CAPS2: variants seen among roughly 807,000 people sequenced by gnomAD.
The protein encoded by CAPS2 is calcyphosine 2.
A neutral mutation model predicts 86.5 loss-of-function variants in CAPS2; 98 were observed. That is an observed-to-expected ratio of 1.13 (90% CI 0.96 to 1.34). The LOEUF (loss-of-function observed/expected upper bound fraction) is 1.34. CAPS2 is among the 40% of genes most tolerant of loss of function. The pLI is 0.00. For missense variants in CAPS2, 729 were observed against 686.8 expected (o/e 1.06, Z -0.69); for synonymous variants, 210 against 225.1 (o/e 0.93, Z 0.60).
chr12:75,284,586 T>C (rs2034540376), intron 15 of CAPS2, among the ~76,000 whole-genome samples: 1 of 152,142 alleles, frequency 6.6e-6, no homozygotes, highest in Non-Finnish European at 1.5e-5. Flanking sequence ...GAATGGTATA[T>C]GCATTATCTT....
rs371293948 is a variant in CAPS2, at chr12:75,285,051, A to G, written c.1425T>C (p.Asn475=). Reference sequence around the variant, plus strand: ...AATCAACCTTGCCATTGCCATTGTCATTCAGAATTAGCCATGCAGACTCAA... The same window carrying G: ...AATCAACCTTGCCATTGCCATTGTCGTTCAGAATTAGCCATGCAGACTCAA... Residue 475 remains asparagine, a synonymous_variant, in exon 15 of 17, where the codon AAT becomes AAC. Coordinates refer to ENST00000393284, the Ensembl canonical transcript of CAPS2. 6 of 1,611,510 alleles carry G rather than the reference A, an allele frequency of 3.7e-6. No individual in the cohort carries two copies. The African/African-American group carries it at 6.7e-5, about 18-fold the overall frequency.
intron 7 of CAPS2, chr12:75,305,616 G>T (rs1310566470): frequency 8.1e-6 from 5 of 616,404 alleles, no homozygotes; most frequent in African/African-American, 3.6e-5. Context: ...CCGAGCGACC[G>T]GAAGGCTCAG....
chr12:75,317,912 A>T (rs2039933133), intron 5 of CAPS2, among the ~76,000 whole-genome samples: 1 of 152,094 alleles, frequency 6.6e-6, no homozygotes. Flanking sequence ...ATTAACTATA[A>T]TCACCACAAA....
chr12:75,366,530 GC>G (rs2043972822), intron 1 of CAPS2, among the ~76,000 whole-genome samples: 2 of 152,102 alleles, frequency 1.3e-5, no homozygotes, highest in African/African-American at 4.8e-5. Flanking sequence ...AACCTGGCAT[GC>G]CCTCAAACTT....
chr12:75,351,376 C>T (rs1193914344), intron 1 of CAPS2, among the ~76,000 whole-genome samples: 1 of 152,156 alleles, frequency 6.6e-6, no homozygotes, highest in Non-Finnish European at 1.5e-5. Flanking sequence ...CCCCAAGACA[C>T]ATAATCATCA....
chr12:75,337,175 CT>C (rs2041792716), intron 1 of CAPS2, among the ~76,000 whole-genome samples: 2 of 151,696 alleles, frequency 1.3e-5, no homozygotes, highest in East Asian at 3.9e-4. Flanking sequence ...AAATCAAGAC[CT>C]ATTCTTTCAA....
intron 6 of CAPS2, among the ~76,000 whole-genome samples, chr12:75,314,948 G>T (rs150930987): frequency 4.6e-5 from 7 of 152,266 alleles, no homozygotes; most frequent in African/African-American, 1.7e-4. Flanking sequence ...GGAGCTAGAT[G>T]AGATGGACAC....
chr12:75,311,352 A>G (rs2039144518), intron 7 of CAPS2, among the ~76,000 whole-genome samples: 2 of 152,176 alleles, frequency 1.3e-5, no homozygotes, highest in Admixed American at 6.5e-5. Context: ...TTTGAGAGAA[A>G]GAAAGGGATC....
At chr12:75,286,628 AGGCTTTTTAG>A (rs1267050997) in intron 14 of CAPS2, among the ~76,000 whole-genome samples, 1 of 151,934 alleles carries the variant, frequency 6.6e-6, no homozygotes, top group African/African-American at 2.4e-5. Flanking sequence ...TATATAAATT[AGGCTTTTTAG>A]GGTACATATC....
At chr12:75,352,082 T>C (rs2042854358) in intron 1 of CAPS2, among the ~76,000 whole-genome samples, 1 of 152,138 alleles carries the variant, frequency 6.6e-6, no homozygotes, top group Admixed American at 6.5e-5. Flanking sequence ...AACAACACTA[T>C]GAAGCAACTA....
intron 1 of CAPS2, chr12:75,370,186 T>G: frequency 7.8e-7 from 1 of 1,286,882 alleles, no homozygotes; most frequent in Middle Eastern, 1.8e-4. Context: ...ATGTCATTTA[T>G]ATACAAAAGA....
At chr12:75,330,657 T>A (rs975730113), upstream of CAPS2, among the ~76,000 whole-genome samples, 3 of 152,196 alleles carry the variant, frequency 2.0e-5, no homozygotes, top group Non-Finnish European at 4.4e-5. Flanking sequence ...ACTATGTACA[T>A]ATAGATGATT....
At chr12:75,374,127 G>A (rs751316314) in intron 1 of CAPS2, among the ~76,000 whole-genome samples, 28 of 152,134 alleles carry the variant, frequency 1.8e-4, no homozygotes, top group African/African-American at 3.4e-4. Context: ...ATGGGAGCCC[G>A]CCAAAGGCTC....
chr12:75,365,130 G>A (rs1566008400), intron 1 of CAPS2: 1 of 152,116 alleles, frequency 6.6e-6, no homozygotes, highest in Non-Finnish European at 1.5e-5. Context: ...CTAGAGGGAA[G>A]GTGCTTGTAT....
At chr12:75,354,554 G>A (rs966796625) in intron 1 of CAPS2, among the ~76,000 whole-genome samples, 2 of 152,146 alleles carry the variant, frequency 1.3e-5, no homozygotes, top group African/African-American at 4.8e-5. Context: ...TGGCCATACT[G>A]CCCAAAGTAA....
intron 1 of CAPS2, among the ~76,000 whole-genome samples, chr12:75,375,245 C>T (rs897422625): frequency 6.6e-6 from 1 of 152,086 alleles, no homozygotes; most frequent in Non-Finnish European, 1.5e-5. Context: ...ATCCAGGGAC[C>T]CACTGGCCCC....
In CAPS2 at chr12:75,298,851, A is replaced by C. The variant is rs949262024; in HGVS notation, c.950+20T>G. ...CGGAAGTGAACATCTCCAGAGTTCT[A>C]ACAATGTTTAATGGCATACCTATTT... On this transcript the variant is annotated intron_variant, in intron 10 of 16. Transcript: ENST00000393284. 9 of 1,594,230 alleles carry C rather than the reference A, an allele frequency of 5.6e-6. No individual in the cohort carries two copies. The highest frequency in any genetic ancestry group is 2.2e-5 in the South Asian group (2 of 90,498).
chr12:75,361,705 C>T (rs562770256), intron 1 of CAPS2, among the ~76,000 whole-genome samples: 27 of 152,272 alleles, frequency 1.8e-4, no homozygotes, highest in African/African-American at 6.0e-4. Context: ...GGAGGAACTT[C>T]TAAACACTTT....
intron 7 of CAPS2, among the ~76,000 whole-genome samples, chr12:75,307,741 A>C (rs2038680329): frequency 6.6e-6 from 1 of 152,200 alleles, no homozygotes; most frequent in African/African-American, 2.4e-5. Context: ...AAGTAGAAAG[A>C]ACAAATTCAA....
Sources: allele counts gnomAD v4.1 joint callset (sites outside exome capture counted in the v4.1 genomes callset), GRCh38; gene constraint gnomAD v4.1.1; transcripts MANE v1.5; gene names NCBI Gene and HGNC (gene_info 2026-07-23, HGNC 2026-07-21).